The following FBXL13 variants were observed in gnomAD, a reference collection of about 807,000 sequenced individuals.
FBXL13 encodes F-box and leucine-rich repeat protein 13.
In FBXL13, 67 loss-of-function variants were observed where a neutral mutation model predicts 83.6. The ratio of observed to expected loss-of-function variants is 0.80; its 90% CI spans 0.66 to 0.98. The LOEUF (loss-of-function observed/expected upper bound fraction) is 0.98, where lower values mean the gene tolerates loss of function less well. Among genes scored for constraint, FBXL13 ranks in the 50% least tolerant of loss-of-function variants. FBXL13 has a pLI of 0.00. For missense variants in FBXL13, 822 were observed against 866.5 expected (o/e 0.95, Z 0.64); for synonymous variants, 272 against 299.5 (o/e 0.91, Z 0.95).
intron 6 of FBXL13, among the ~76,000 whole-genome samples, chr7:103,024,853 A>T (rs60921698): frequency 0.023 from 2,049 of 87,756 alleles, 66 homozygotes; most frequent in African/African-American, 0.062. Flanking sequence ...ATATATATAT[A>T]TATATTTTTT....
intron 11 of FBXL13, among the ~76,000 whole-genome samples, chr7:102,903,449 T>C (rs1195849408): frequency 1.3e-5 from 2 of 152,128 alleles, no homozygotes; most frequent in Non-Finnish European, 2.9e-5. Flanking sequence ...TTCAGTACTA[T>C]GTTGAATAAC....
intron 18 of FBXL13, among the ~76,000 whole-genome samples, chr7:102,832,053 T>C (rs1018289165): frequency 5.3e-5 from 8 of 152,222 alleles, no homozygotes; most frequent in African/African-American, 1.9e-4. Flanking sequence ...ATTTCTAATC[T>C]TTTTGTGCAT....
At chr7:103,059,075 T>C (rs1323110953) in intron 1 of FBXL13, among the ~76,000 whole-genome samples, 2 of 152,066 alleles carry the variant, frequency 1.3e-5, no homozygotes, top group African/African-American at 2.4e-5. Flanking sequence ...CCCGGGGCAA[T>C]ACAGTGAGAC....
chr7:103,069,154 G>A (rs888244787), intron 1 of FBXL13, among the ~76,000 whole-genome samples: 3 of 151,494 alleles, frequency 2.0e-5, no homozygotes, highest in Non-Finnish European at 2.9e-5. Flanking sequence ...CTGCCCTGCC[G>A]CCCCACTGTC....
chr7:102,865,410 G>A (rs1217740730), intron 16 of FBXL13, among the ~76,000 whole-genome samples: 4 of 152,130 alleles, frequency 2.6e-5, no homozygotes, highest in East Asian at 1.9e-4. Flanking sequence ...CAATGTTCTC[G>A]AAAATTTCTC....
chr7:103,071,244 T>C (rs1049388117), intron 1 of FBXL13, among the ~76,000 whole-genome samples: 7 of 152,018 alleles, frequency 4.6e-5, no homozygotes, highest in African/African-American at 1.4e-4. Flanking sequence ...TATGTACGAT[T>C]GGAGTTCCAA....
At position 102,952,207 on chromosome 7, in the gene FBXL13, G is replaced by A. The variant is rs541227769; in HGVS notation, c.724+11326C>T. On this transcript the variant is annotated intron_variant, in intron 8 of 19. Coordinates refer to ENST00000313221, the Ensembl canonical transcript of FBXL13. The stretch of plus-strand genomic sequence containing the variant: ...AGGACCTAGGAGGAGGGCAAAAAGC[G>A]GATTTAGTACTTAATGGTACAAACT... Among the ~76,000 whole-genome samples, 8 of 152,228 alleles carry A rather than the reference G, an allele frequency of 5.3e-5. 1 individual carries two copies. The highest frequency in any genetic ancestry group is 1.7e-4 in the African/African-American group (7 of 41,542).
At chr7:103,026,344 A>C (rs556641041) in intron 5 of FBXL13, among the ~76,000 whole-genome samples, 1 of 151,922 alleles carries the variant, frequency 6.6e-6, no homozygotes, top group South Asian at 2.1e-4. Context: ...GGGGGTGTAT[A>C]AGGGGGGACT....
intron 2 of FBXL13, among the ~76,000 whole-genome samples, chr7:103,035,632 T>G (rs967388352): frequency 2.6e-5 from 4 of 152,154 alleles, no homozygotes; most frequent in African/African-American, 7.2e-5. Context: ...AGAAAAAAAG[T>G]TTCAGTTCTA....
At chr7:103,042,376 A>G (rs1415874491) in intron 2 of FBXL13, among the ~76,000 whole-genome samples, 5 of 152,220 alleles carry the variant, frequency 3.3e-5, no homozygotes, top group Admixed American at 6.5e-5. Flanking sequence ...AAGAATCAGT[A>G]TCATGAAAAT....
At chr7:103,070,268 A>G (rs1011518907) in intron 1 of FBXL13, among the ~76,000 whole-genome samples, 1 of 152,010 alleles carries the variant, frequency 6.6e-6, no homozygotes, top group Non-Finnish European at 1.5e-5. Context: ...GTCTCACTCC[A>G]TCACCCAGGC....
At chr7:103,039,435 A>G (rs1345568098) in intron 2 of FBXL13, among the ~76,000 whole-genome samples, 2 of 152,238 alleles carry the variant, frequency 1.3e-5, no homozygotes, top group African/African-American at 2.4e-5. Context: ...TCCCTAACCT[A>G]GCAAGGCAGG....
intron 6 of FBXL13, among the ~76,000 whole-genome samples, chr7:102,980,221 A>G (rs1408338458): frequency 2.0e-5 from 3 of 152,258 alleles, no homozygotes; most frequent in Non-Finnish European, 4.4e-5. Context: ...AACTTACTAC[A>G]AAGATATAGT....
intron 7 of FBXL13, among the ~76,000 whole-genome samples, chr7:102,965,312 G>A (rs1012589475): frequency 4.6e-5 from 7 of 152,090 alleles, no homozygotes; most frequent in African/African-American, 7.2e-5. Flanking sequence ...CTTAACTAAG[G>A]CTTAGTTTTT....
intron 8 of FBXL13, among the ~76,000 whole-genome samples, chr7:102,953,386 C>T (rs536940729): frequency 1.1e-4 from 16 of 151,792 alleles, no homozygotes; most frequent in Admixed American, 3.9e-4. Context: ...ATGTAATATA[C>T]GCAATAATAA....
chr7:103,028,612 C>T, exon 4 of FBXL13: 1 of 1,566,652 alleles, frequency 6.4e-7, no homozygotes. Context: ...TTAAGTTTTT[C>T]TTTCTGGTCT....
intron 17 of FBXL13, among the ~76,000 whole-genome samples, chr7:102,849,035 T>C (rs922495005): frequency 6.6e-6 from 1 of 152,170 alleles, no homozygotes; most frequent in Non-Finnish European, 1.5e-5. Flanking sequence ...ATTGGATTTA[T>C]TCCATTGGTT....
intron 6 of FBXL13, chr7:102,975,948 C>T (rs753489584): frequency 1.2e-5 from 9 of 765,266 alleles, no homozygotes; most frequent in Non-Finnish European, 1.9e-5. Context: ...CAATCCACCT[C>T]CACCTGGTGC....
chr7:103,025,130 T>C (rs1373450333), exon 6 of FBXL13: 4 of 1,612,732 alleles, frequency 2.5e-6, no homozygotes, highest in Non-Finnish European at 3.4e-6. Context: ...AAGAAAGACT[T>C]CAGAAGAACT....
Sources: allele counts gnomAD v4.1 joint callset (sites outside exome capture counted in the v4.1 genomes callset), GRCh38; gene constraint gnomAD v4.1.1; transcripts MANE v1.5; gene names NCBI Gene and HGNC (gene_info 2026-07-23, HGNC 2026-07-21).